ZYG11A: variants seen among roughly 807,000 people sequenced by gnomAD.
ZYG11A encodes the protein protein zyg-11 homolog A.
ZYG11A carries 62 observed loss-of-function variants against 77.2 expected under a neutral mutation model. The observed-to-expected ratio is 0.80, with a 90% CI of 0.65 to 0.99. The LOEUF is 0.99. Ranked by LOEUF, ZYG11A falls within the 50% of genes least tolerant of loss-of-function variation. ZYG11A has a pLI of 0.00. For missense variants in ZYG11A, 828 were observed against 896.8 expected (o/e 0.92, Z 0.98); for synonymous variants, 315 against 324.6 (o/e 0.97, Z 0.32).
Position 52,860,845 on chromosome 1 carries a change from G to C in ZYG11A, c.1123G>C (p.Glu375Gln). The C allele has an allele frequency of 6.4e-7, 1 of 1,551,588 alleles. No homozygotes were observed. Among genetic ancestry groups the C allele is most frequent in the Non-Finnish European group, 8.7e-7 (1 of 1,146,982 alleles). The change falls in exon 4 of 14, where the codon GAG (glutamate) becomes CAG (glutamine). Residue 375 changes from glutamate (E) to glutamine (Q), a missense_variant. Transcript: ENST00000371528. ...HRLFTETFSM[E>Q]VTMPAILKLV... Reference sequence around the variant, plus strand: ...GCTGTTCACAGAGACATTTTCAATGGAGGTAACCATGCCTGCTATTTTAAA... The same window carrying C: ...GCTGTTCACAGAGACATTTTCAATGCAGGTAACCATGCCTGCTATTTTAAA...
chr1:52,845,307 C>CTTT (rs34851064), intron 1 of ZYG11A, among the ~76,000 whole-genome samples: 10 of 130,834 alleles, frequency 7.6e-5, no homozygotes, highest in Middle Eastern at 3.8e-3. Flanking sequence ...ATGGTCTGTG[C>CTTT]TTTTTTTTTT....
intron 1 of ZYG11A, among the ~76,000 whole-genome samples, chr1:52,853,650 C>T (rs1458227517): frequency 1.3e-5 from 2 of 152,120 alleles, no homozygotes; most frequent in Non-Finnish European, 2.9e-5. Context: ...GTGGCTCATG[C>T]CTGTAATCCA....
At chr1:52,870,307 G>C (rs1646131832) in intron 8 of ZYG11A, among the ~76,000 whole-genome samples, 1 of 151,368 alleles carries the variant, frequency 6.6e-6, no homozygotes, top group Non-Finnish European at 1.5e-5. Context: ...ACAATGGGCG[G>C]CCAGGCAGAG....
At chr1:52,888,892 A>G (rs181047487) in intron 13 of ZYG11A, among the ~76,000 whole-genome samples, 1 of 152,334 alleles carries the variant, frequency 6.6e-6, no homozygotes, top group Non-Finnish European at 1.5e-5. Context: ...TTAACATTGT[A>G]AAATGGTGCC....
rs77967473 is a variant in ZYG11A at position 52,867,226 on chromosome 1, T to C, written c.1392-313T>C. Among the ~76,000 whole-genome samples the C allele has an allele frequency of 1.1e-3, 172 of 152,316 alleles. 1 individual carries two copies. The highest frequency in any genetic ancestry group is 3.8e-3 in the African/African-American group (159 of 41,582). ...CATTGTCTACTACTCAGATTACAAA[T>C]TGCTACCACTCTGGAAACTCCCTTT... On this transcript the variant is annotated intron_variant, in intron 6 of 13. Transcript: ENST00000371528.
At chr1:52,870,163 C>G (rs1039344585) in intron 8 of ZYG11A, among the ~76,000 whole-genome samples, 3 of 132,792 alleles carry the variant, frequency 2.3e-5, no homozygotes, top group South Asian at 5.4e-4. Flanking sequence ...CGGGCAGAGA[C>G]GCTCTTCACT....
At chr1:52,891,443 G>A (rs1178246376) in intron 13 of ZYG11A, among the ~76,000 whole-genome samples, 1 of 151,912 alleles carries the variant, frequency 6.6e-6, no homozygotes, top group Non-Finnish European at 1.5e-5. Context: ...GGATTGGCGT[G>A]TCCCTGAGGC....
Position 52,857,186 on chromosome 1 carries a change from T to C in ZYG11A, c.445T>C (p.Cys149Arg), listed in dbSNP as rs370092781. 108 of 1,552,196 alleles carry C rather than the reference T, an allele frequency of 7.0e-5. No homozygotes were observed. The highest frequency in any genetic ancestry group is 1.7e-4 in the Middle Eastern group (1 of 5,998). The change falls in exon 3 of 14, where the codon TGC becomes CGC. Residue 149 changes from cysteine to arginine, a missense_variant. Physicochemically the swap from Cys to Arg is radical, Grantham distance 180. Coordinates refer to ENST00000371528, the MANE Select transcript of ZYG11A (RefSeq NM_001004339.3). ...AGTTCCAGACATCATAAGTGGACTC[T>C]GCAGCAATAGGTGGATCCAGCAAAA... ...LPVPDIISGLCSNRWIQQNLQ... is the reference protein window; with the variant it reads ...LPVPDIISGLRSNRWIQQNLQ...
chr1:52,883,140 A>G (rs1254670974), intron 11 of ZYG11A, among the ~76,000 whole-genome samples: 4 of 152,032 alleles, frequency 2.6e-5, no homozygotes, highest in African/African-American at 9.7e-5. Context: ...TTTTTGAGAT[A>G]GGCTCTCACT....
At chr1:52,862,471 C>G (rs1645948263) in intron 4 of ZYG11A, among the ~76,000 whole-genome samples, 1 of 151,716 alleles carries the variant, frequency 6.6e-6, no homozygotes, top group African/African-American at 2.4e-5. Flanking sequence ...GTCACCACGC[C>G]CAGCTACTTT....
chr1:52,868,661 C>G (rs1557444258), intron 8 of ZYG11A, among the ~76,000 whole-genome samples: 1 of 151,926 alleles, frequency 6.6e-6, no homozygotes, highest in Non-Finnish European at 1.5e-5. Flanking sequence ...GGTGGTGCGT[C>G]CTGTAATCCC....
chr1:52,878,062 C>G, intron 10 of ZYG11A, 93 bp downstream of exon 10: 1 of 1,038,438 alleles, frequency 9.6e-7, no homozygotes, highest in Non-Finnish European at 1.4e-6. Context: ...GTATTGTAAG[C>G]AATTTACATG....
Position 52,887,080 on chromosome 1 carries a change from A to G in ZYG11A, c.2104+27A>G, listed in dbSNP as rs1002562750. The stretch of plus-strand genomic sequence containing the variant: ...TATGTATTCAACATATATTCAAAAC[A>G]TAATAGTTTTCCAGCTATTTTTCTG... On this transcript the variant is annotated intron_variant, in intron 13 of 13. Transcript: ENST00000371528. 19 of 1,254,190 alleles carry G rather than the reference A, an allele frequency of 1.5e-5. 1 individual carries two copies. Among genetic ancestry groups the G allele is most frequent in the Admixed American group, 2.2e-5 (1 of 44,644 alleles). 77.7% of individuals were successfully genotyped at this position (1,254,190 alleles called of 1,614,324 possible). A position where few individuals can be genotyped will look rare whatever the true frequency, so the allele number is the denominator to read the frequency against.
intron 2 of ZYG11A, 81 bp downstream of exon 2, chr1:52,854,711 G>GTGTAA: frequency 7.8e-7 from 1 of 1,286,048 alleles, no homozygotes; most frequent in Non-Finnish European, 1.0e-6. Flanking sequence ...TTTCTATTGT[G>GTGTAA]ATTCTCACAA....
At chr1:52,854,436 CA>C (rs1645769243) in intron 1 of ZYG11A, 28 bp from the exon 2 acceptor site, 1 of 1,516,280 alleles carries the variant, frequency 6.6e-7, no homozygotes, top group South Asian at 1.3e-5. Context: ...TGTATTCTAA[CA>C]AAGTTTGTTT....
At chr1:52,848,161 G>C (rs1276778433) in intron 1 of ZYG11A, among the ~76,000 whole-genome samples, 3 of 151,938 alleles carry the variant, frequency 2.0e-5, no homozygotes, top group African/African-American at 7.2e-5. Context: ...GAGCCACCAT[G>C]CCCAGCTATT....
chr1:52,887,951 C>T (rs139992442), intron 13 of ZYG11A, among the ~76,000 whole-genome samples: 58 of 152,174 alleles, frequency 3.8e-4, no homozygotes, highest in African/African-American at 1.3e-3. Flanking sequence ...TATTATTTTA[C>T]AACAGGAAAC....
intron 13 of ZYG11A, among the ~76,000 whole-genome samples, chr1:52,892,459 TG>T (rs1468115679): frequency 6.7e-6 from 1 of 149,254 alleles, no homozygotes; most frequent in Non-Finnish European, 1.5e-5. Flanking sequence ...GCCCGGGAGG[TG>T]GAGGTTGCAG....
intron 8 of ZYG11A, among the ~76,000 whole-genome samples, chr1:52,875,955 C>T (rs1287981956): frequency 1.3e-5 from 2 of 148,686 alleles, no homozygotes; most frequent in African/African-American, 5.0e-5. Flanking sequence ...TCTGTATGTG[C>T]AGAAATTGAG....
Sources: allele counts gnomAD v4.1 joint callset (sites outside exome capture counted in the v4.1 genomes callset), GRCh38; gene constraint gnomAD v4.1.1; transcripts MANE v1.5; gene names NCBI Gene and HGNC (gene_info 2026-07-23, HGNC 2026-07-21).